The following ENTREP2 variants were observed in gnomAD, a reference collection of about 807,000 sequenced individuals.
ENTREP2 encodes the protein protein ENTREP2.
At chr15:29,259,811 C>CATATATATATATATATATATACATAT in the ENTREP2 span, among the ~76,000 whole-genome samples, 1 of 149,318 alleles carries the variant, frequency 6.7e-6, no homozygotes, top group African/African-American at 2.5e-5. Context: ...ATCCCATTTA[C>CATATATATATATATATATATACATAT]ATATATATAT....
chr15:29,129,834 A>C, the ENTREP2 span, among the ~76,000 whole-genome samples: 1 of 152,054 alleles, frequency 6.6e-6, no homozygotes, highest in African/African-American at 2.4e-5. Context: ...CCAGCTACAC[A>C]CATGTTGCAT....
the ENTREP2 span, among the ~76,000 whole-genome samples, chr15:29,576,462 A>G: frequency 1.0e-4 from 16 of 152,392 alleles, no homozygotes; most frequent in Admixed American, 5.9e-4. Flanking sequence ...GAAAGAAAAA[A>G]TAAACAAATT....
At chr15:29,471,182 C>T in the ENTREP2 span, among the ~76,000 whole-genome samples, 2 of 152,196 alleles carry the variant, frequency 1.3e-5, no homozygotes, top group African/African-American at 4.8e-5. Context: ...CTGGGCCCCA[C>T]CTTCATCCAG....
the ENTREP2 span, among the ~76,000 whole-genome samples, chr15:29,204,429 C>A: frequency 1.3e-5 from 2 of 152,156 alleles, no homozygotes; most frequent in African/African-American, 4.8e-5. Context: ...CAGAGCAGGG[C>A]AGAGGGCTGG....
chr15:29,144,906 A>G, the ENTREP2 span, among the ~76,000 whole-genome samples: 2 of 151,926 alleles, frequency 1.3e-5, no homozygotes, highest in South Asian at 4.2e-4. Context: ...AAAATAAAAA[A>G]TTAGCCGGAT....
chr15:29,389,248 T>A, the ENTREP2 span, among the ~76,000 whole-genome samples: 1 of 151,940 alleles, frequency 6.6e-6, no homozygotes, highest in Admixed American at 6.5e-5. Context: ...CTTCACAAAC[T>A]GCGAGAAAAT....
the ENTREP2 span, among the ~76,000 whole-genome samples, chr15:29,174,582 G>A: frequency 0.058 from 8,766 of 152,022 alleles, 869 homozygotes; most frequent in African/African-American, 0.2. Flanking sequence ...CCAGCTACTT[G>A]GGAGGCTGAG....
the ENTREP2 span, among the ~76,000 whole-genome samples, chr15:29,483,478 G>A: frequency 6.6e-6 from 1 of 152,160 alleles, no homozygotes; most frequent in Non-Finnish European, 1.5e-5. Context: ...TTTACACTTA[G>A]GTCTATGATC....
chr15:29,152,024 T>C, the ENTREP2 span, among the ~76,000 whole-genome samples: 1 of 152,222 alleles, frequency 6.6e-6, no homozygotes, highest in Admixed American at 6.5e-5. Flanking sequence ...AACACATTCG[T>C]TTATTCCGTT....
the ENTREP2 span, among the ~76,000 whole-genome samples, chr15:29,194,262 T>C: frequency 6.6e-6 from 1 of 152,232 alleles, no homozygotes. Flanking sequence ...CTGCCAAGGC[T>C]GTTGCTCCTT....
chr15:29,635,139 G>A, the ENTREP2 span, among the ~76,000 whole-genome samples: 12 of 152,096 alleles, frequency 7.9e-5, no homozygotes, highest in East Asian at 1.9e-4. Flanking sequence ...CACCGCACCC[G>A]GCCTCCTTAG....
chr15:29,149,584 C>T, the ENTREP2 span, among the ~76,000 whole-genome samples: 1 of 152,218 alleles, frequency 6.6e-6, no homozygotes, highest in Non-Finnish European at 1.5e-5. Flanking sequence ...CACAGATGAG[C>T]GGACTCATCC....
chr15:29,345,194 G>A, the ENTREP2 span, among the ~76,000 whole-genome samples: 1 of 152,178 alleles, frequency 6.6e-6, no homozygotes, highest in Non-Finnish European at 1.5e-5. Flanking sequence ...GGGAATATTA[G>A]GAGACATATA....
chr15:29,269,389 A>G, the ENTREP2 span: 1 of 1,614,060 alleles, frequency 6.2e-7, no homozygotes, highest in East Asian at 2.2e-5. Flanking sequence ...GGCCCGCTTG[A>G]TCGGAATCTT....
chr15:29,477,305 G>T, the ENTREP2 span, among the ~76,000 whole-genome samples: 1 of 152,168 alleles, frequency 6.6e-6, no homozygotes, highest in Non-Finnish European at 1.5e-5. Context: ...CTGATGTTCT[G>T]CCTTTGGGTG....
chr15:29,672,949 G>A, the ENTREP2 span, among the ~76,000 whole-genome samples: 1 of 152,122 alleles, frequency 6.6e-6, no homozygotes, highest in African/African-American at 2.4e-5. Flanking sequence ...GCTCGAGGGA[G>A]TATACTTAGT....
chr15:29,218,566 T>C, the ENTREP2 span, among the ~76,000 whole-genome samples: 1 of 152,160 alleles, frequency 6.6e-6, no homozygotes, highest in African/African-American at 2.4e-5. Flanking sequence ...TTTCAAACTA[T>C]ACTATAAAGC....
At chr15:29,378,110 G>A in the ENTREP2 span, among the ~76,000 whole-genome samples, 24,466 of 151,800 alleles carry the variant, frequency 0.16, 2,064 homozygotes, top group South Asian at 0.28. Flanking sequence ...GGGAGTCAGA[G>A]AGGTTTGGGT....
chr15:29,195,036 A>G, the ENTREP2 span: 13 of 839,596 alleles, frequency 1.5e-5, no homozygotes, highest in African/African-American at 2.2e-4. Context: ...AGCAGACCTC[A>G]GGCACTGACC....
Sources: gnomAD v4.1 joint callset for allele counts (sites outside exome capture counted in the v4.1 genomes callset) on GRCh38, gnomAD v4.1.1 for gene constraint, MANE v1.5 for transcripts, NCBI Gene and HGNC (gene_info 2026-07-23, HGNC 2026-07-21) for gene names.